The following ZNF148 variants were observed in gnomAD, a reference collection of about 807,000 sequenced individuals.
ZNF148 encodes zinc finger protein 148.
Under a neutral mutation model 67.7 loss-of-function variants are expected in ZNF148, and 7 were observed. The ratio of observed to expected loss-of-function variants is 0.10; its 90% CI spans 0.06 to 0.19. The LOEUF (loss-of-function observed/expected upper bound fraction) is 0.19, where lower values mean the gene tolerates loss of function less well. Ranked by LOEUF, ZNF148 falls within the 10% of genes least tolerant of loss-of-function variation. The probability of loss-of-function intolerance (pLI) is 1.00; values close to 1 mark genes in which losing one functional copy is unlikely to be tolerated. For missense variants in ZNF148, 583 were observed against 947.1 expected, an observed-to-expected ratio of 0.62 and a Z score of 5.05; for synonymous variants, 333 against 330.7, an observed-to-expected ratio of 1.01 and a Z score of -0.08.
chr3:125,325,422 GA>G (rs1292534485), intron 2 of ZNF148, among the ~76,000 whole-genome samples: 11 of 148,046 alleles, frequency 7.4e-5, no homozygotes, highest in Non-Finnish European at 9.0e-5. Flanking sequence ...AGAAAGAGCA[GA>G]AAAAAAAAAT....
intron 6 of ZNF148, among the ~76,000 whole-genome samples, chr3:125,278,737 T>C (rs971930202): frequency 6.6e-6 from 1 of 152,186 alleles, no homozygotes; most frequent in African/African-American, 2.4e-5. Flanking sequence ...TCTCTACAAT[T>C]TCATTATCTT....
chr3:125,297,396 T>C (rs1437821327), intron 4 of ZNF148, among the ~76,000 whole-genome samples: 3 of 152,060 alleles, frequency 2.0e-5, no homozygotes, highest in Non-Finnish European at 4.4e-5. Context: ...AAAAATTTCT[T>C]AAGAAGGACA....
intron 1 of ZNF148, among the ~76,000 whole-genome samples, chr3:125,366,062 C>T (rs1321517872): frequency 1.3e-5 from 2 of 152,164 alleles, no homozygotes; most frequent in Non-Finnish European, 2.9e-5. Context: ...TAGCTATTGC[C>T]AGCTATCTAA....
At chr3:125,326,793 G>GATATCTTTTTATATATGTAAAGATAT (rs1191231705) in intron 2 of ZNF148, among the ~76,000 whole-genome samples, 2 of 144,188 alleles carry the variant, frequency 1.4e-5, no homozygotes, top group African/African-American at 2.5e-5. Flanking sequence ...CATACATCAA[G>GATATCTTTTTATATATGTAAAGATAT]ATATCTTTTT....
intron 1 of ZNF148, among the ~76,000 whole-genome samples, chr3:125,368,455 CA>C (rs1277788971): frequency 6.6e-6 from 1 of 152,180 alleles, no homozygotes; most frequent in Non-Finnish European, 1.5e-5. Context: ...GGAGTGTTTT[CA>C]AAATCAGCTA....
At chr3:125,324,770 C>T (rs1035256983) in intron 2 of ZNF148, among the ~76,000 whole-genome samples, 3 of 152,148 alleles carry the variant, frequency 2.0e-5, no homozygotes, top group African/African-American at 2.4e-5. Flanking sequence ...CCTCTTTGAA[C>T]TTCAGAAAGT....
intron 7 of ZNF148, among the ~76,000 whole-genome samples, chr3:125,263,016 A>T (rs999212623): frequency 6.6e-6 from 1 of 152,244 alleles, no homozygotes; most frequent in Non-Finnish European, 1.5e-5. Context: ...CATTCGCTGT[A>T]ACACAACTTA....
intron 7 of ZNF148, among the ~76,000 whole-genome samples, chr3:125,249,286 T>C (rs1481805495): frequency 1.3e-5 from 2 of 152,090 alleles, no homozygotes; most frequent in African/African-American, 2.4e-5. Flanking sequence ...AAAGCTAATA[T>C]CCAAAATGCA....
rs561436005 is a variant in ZNF148 at position 125,232,216 on chromosome 3, T to A, written c.*125A>T. 3,055 of 1,150,456 alleles carry A rather than the reference T, an allele frequency of 2.7e-3. 11 individuals carry two copies. Among genetic ancestry groups the A allele is most frequent in the Non-Finnish European group, 2.6e-3 (2,215 of 845,396 alleles). The allele number at this position is 1,150,456 out of a possible 1,614,324, so 71.3% of individuals were successfully genotyped here. On this transcript the variant is annotated 3_prime_UTR_variant, in exon 9 of 9. Coordinates refer to ENST00000360647, the MANE Select transcript of ZNF148 (RefSeq NM_021964.3). This position sits in a 1 kb window ranked among gnomAD's most constrained non-coding sequence, Gnocchi z 4.2. ...AGTTATTGGATTATCTTGCTATTCA[T>A]ATCAGCTTAACTTGTTATTACGCAT... is the stretch of plus-strand genomic sequence containing the variant.
chr3:125,284,903 T>A (rs1392571605), intron 5 of ZNF148, among the ~76,000 whole-genome samples: 1 of 105,938 alleles, frequency 9.4e-6, no homozygotes. Flanking sequence ...CCCATTGCAT[T>A]TAAGTTTTCC....
intron 7 of ZNF148, among the ~76,000 whole-genome samples, chr3:125,235,476 A>T (rs892534680): frequency 6.6e-6 from 1 of 152,126 alleles, no homozygotes; most frequent in Admixed American, 6.5e-5. Context: ...GGGTGTTCAA[A>T]TACTATATTC....
chr3:125,374,205 C>T (rs930324754), intron 1 of ZNF148, among the ~76,000 whole-genome samples: 2 of 152,122 alleles, frequency 1.3e-5, no homozygotes, highest in Admixed American at 6.5e-5. Flanking sequence ...TGACCCCAAC[C>T]ACGGCCCAGA....
chr3:125,287,974 G>GCACC (rs1174692020), intron 5 of ZNF148, 129 bp downstream of exon 5: 2 of 1,294,542 alleles, frequency 1.5e-6, no homozygotes, highest in Non-Finnish European at 1.1e-6. Flanking sequence ...ATGCAGGCAC[G>GCACC]CACCCCCTCC....
At chr3:125,234,923 A>G (rs938033948) in intron 7 of ZNF148, among the ~76,000 whole-genome samples, 2 of 152,188 alleles carry the variant, frequency 1.3e-5, no homozygotes, top group Admixed American at 1.3e-4. Flanking sequence ...AATTGGACAC[A>G]TAACACATAA....
intron 7 of ZNF148, among the ~76,000 whole-genome samples, chr3:125,255,799 C>A (rs985395829): frequency 1.8e-4 from 27 of 151,914 alleles, no homozygotes; most frequent in African/African-American, 6.0e-4. Context: ...TTTTTCATTT[C>A]TAATGAAAAA....
At chr3:125,323,206 T>G (rs1021652434) in intron 3 of ZNF148, 103 bp downstream of exon 3, 12 of 418,872 alleles carry the variant, frequency 2.9e-5, no homozygotes, top group Non-Finnish European at 4.6e-5. Flanking sequence ...TTTAAGAAAC[T>G]ATTATATAAA....
At position 125,324,193 on chromosome 3, in the gene ZNF148, T is replaced by A. The variant is rs888544237; in HGVS notation, c.-152-749A>T. ...ACTTAAAGTATAATAATAAAAAAAA[T>A]AAAAAGAAACTACTTACAAACAGTA... On this transcript the variant is annotated intron_variant, in intron 2 of 8. Transcript: ENST00000360647. Among the ~76,000 whole-genome samples the A allele has an allele frequency of 4.0e-5, 6 of 148,342 alleles. 1 individual carries two copies. Among genetic ancestry groups the A allele is most frequent in the Middle Eastern group, 6.6e-3 (2 of 302 alleles).
chr3:125,232,721 T>C lies in ZNF148; in HGVS notation c.2005A>G (p.Thr669Ala). 1.2e-6 allele frequency: 2 copies of C among 1,613,876 alleles called. No homozygotes were observed. The highest frequency in any genetic ancestry group is 1.7e-6 in the Non-Finnish European group (2 of 1,179,806). Residue 669 changes from threonine to alanine, a missense_variant, in exon 9 of 9, where the codon ACA becomes GCA. This residue lies in a region of ZNF148 where 158 missense variants were observed against 208.4 expected (regional missense o/e 0.76). Transcript: ENST00000360647. This position sits in a 1 kb window ranked among gnomAD's most constrained non-coding sequence, Gnocchi z 4.2. ...FRSGMNSPLR[T>A]TPDKSHFGLI... ...CCAAAGTGGGACTTATCTGGAGTTGTTCTTAGTGGAGAATTCATTCCTGAT... is the reference window on the plus strand; with the variant it reads ...CCAAAGTGGGACTTATCTGGAGTTGCTCTTAGTGGAGAATTCATTCCTGAT...
At chr3:125,310,147 T>C (rs1306028232) in intron 4 of ZNF148, among the ~76,000 whole-genome samples, 9 of 150,946 alleles carry the variant, frequency 6.0e-5, no homozygotes, top group Non-Finnish European at 1.2e-4. Context: ...TGGCACAATC[T>C]TGGCTCACTG....
Sources: allele counts gnomAD v4.1 joint callset (sites outside exome capture counted in the v4.1 genomes callset), GRCh38; gene constraint gnomAD v4.1.1; regional missense constraint gnomAD v4.1.1; non-coding constraint Gnocchi (gnomAD v3.1); transcripts MANE v1.5; gene names NCBI Gene and HGNC (gene_info 2026-07-23, HGNC 2026-07-21).